WIPF1: variants seen among roughly 807,000 people sequenced by gnomAD.
WIPF1 encodes the protein WAS/WASL interacting protein family member 1.
A neutral mutation model predicts 35.4 loss-of-function variants in WIPF1; 13 were observed. That is an observed-to-expected ratio of 0.37 (90% CI 0.24 to 0.58). The LOEUF is 0.58. Ranked by LOEUF, WIPF1 falls within the 20% of genes least tolerant of loss-of-function variation. The probability of loss-of-function intolerance (pLI) is 0.74; values close to 1 mark genes in which losing one functional copy is unlikely to be tolerated. For synonymous variants in WIPF1, 267 were observed against 266.3 expected (o/e 1.00, Z -0.02); for missense variants, 591 against 667.0 (o/e 0.89, Z 1.25).
upstream of WIPF1, among the ~76,000 whole-genome samples, chr2:174,599,478 T>C (rs141793203): frequency 1.4e-3 from 210 of 152,272 alleles, 2 homozygotes; most frequent in African/African-American, 4.6e-3. Context: ...CTGGAGCCCC[T>C]TGAAGGCAGG....
At position 174,571,326 on chromosome 2, in the gene WIPF1, A is replaced by G. The variant is rs981330369; in HGVS notation, c.1129+350T>C. ...CGGGAGGTGGGGACTTATTTTCCCAATTAAGACCGCCGAAATTCTCTCTAG... is the reference window on the plus strand; with the variant it reads ...CGGGAGGTGGGGACTTATTTTCCCAGTTAAGACCGCCGAAATTCTCTCTAG... On this transcript the variant is annotated intron_variant, in intron 5 of 7. Transcript: ENST00000679041. This position sits in a 1 kb window ranked among gnomAD's most constrained non-coding sequence, Gnocchi z 4.6. 21 of 511,940 alleles carry G rather than the reference A, an allele frequency of 4.1e-5. No individual in the cohort carries two copies. The highest frequency in any genetic ancestry group is 5.5e-5 in the Non-Finnish European group (16 of 290,532). The allele number at this position is 511,940 out of a possible 1,614,324, so 31.7% of individuals were successfully genotyped here.
At chr2:174,609,448 C>T (rs868287826) in intron 1 of WIPF1, among the ~76,000 whole-genome samples, 1 of 152,156 alleles carries the variant, frequency 6.6e-6, no homozygotes, top group Non-Finnish European at 1.5e-5. Flanking sequence ...AATGGTGTTA[C>T]TGAAGTCTTT....
At chr2:174,604,336 A>G (rs900641386) in intron 1 of WIPF1, among the ~76,000 whole-genome samples, 6 of 152,264 alleles carry the variant, frequency 3.9e-5, no homozygotes, top group Non-Finnish European at 7.3e-5. Context: ...GATTTGTATA[A>G]AAGGCCATCT....
At chr2:174,596,009 ATTCAGTATCAC>A (rs1685811039) in intron 1 of WIPF1, among the ~76,000 whole-genome samples, 1 of 152,214 alleles carries the variant, frequency 6.6e-6, no homozygotes, top group Non-Finnish European at 1.5e-5. Flanking sequence ...GGGTCCAGGA[ATTCAGTATCAC>A]TTCATCTCAT....
At chr2:174,607,699 G>A (rs1357067001) in intron 1 of WIPF1, among the ~76,000 whole-genome samples, 1 of 151,880 alleles carries the variant, frequency 6.6e-6, no homozygotes, top group Non-Finnish European at 1.5e-5. Context: ...CTCTTCTGAG[G>A]ACACTGTTCT....
chr2:174,630,654 T>A (rs1336641176), intron 1 of WIPF1: 1 of 151,992 alleles, frequency 6.6e-6, no homozygotes, highest in East Asian at 1.9e-4. Flanking sequence ...GAAATTGAAA[T>A]GGCAGAGTAA....
intron 1 of WIPF1, among the ~76,000 whole-genome samples, chr2:174,637,995 T>C (rs1330026298): frequency 6.6e-6 from 1 of 152,246 alleles, no homozygotes; most frequent in Non-Finnish European, 1.5e-5. Flanking sequence ...AGTTGATAGT[T>C]TTCTGAGAAT....
At chr2:174,643,499 G>A (rs1034648069) in intron 1 of WIPF1, among the ~76,000 whole-genome samples, 1 of 148,750 alleles carries the variant, frequency 6.7e-6, no homozygotes, top group African/African-American at 2.6e-5. Flanking sequence ...TGCAACCTCC[G>A]CCTCCTGGGT....
At chr2:174,678,119 G>C (rs964311756) in intron 1 of WIPF1, among the ~76,000 whole-genome samples, 2 of 152,106 alleles carry the variant, frequency 1.3e-5, no homozygotes, top group Non-Finnish European at 2.9e-5. Context: ...AGAAAGGAAA[G>C]AAAGATATTT....
chr2:174,615,739 A>G (rs1238733915), intron 1 of WIPF1, among the ~76,000 whole-genome samples: 1 of 152,204 alleles, frequency 6.6e-6, no homozygotes, highest in African/African-American at 2.4e-5. Context: ...CATATTCAAA[A>G]GAGTTCTGTG....
intron 7 of WIPF1, among the ~76,000 whole-genome samples, chr2:174,562,829 A>G (rs140031082): frequency 2.6e-4 from 39 of 152,330 alleles, no homozygotes; most frequent in African/African-American, 8.2e-4. Flanking sequence ...GTACTTGCAC[A>G]AAGTTAAAAA....
chr2:174,611,867 C>T (rs973528379), intron 1 of WIPF1, among the ~76,000 whole-genome samples: 2 of 152,104 alleles, frequency 1.3e-5, no homozygotes, highest in Non-Finnish European at 2.9e-5. Context: ...AAGTTTCTCC[C>T]ACTTTTCATA....
chr2:174,659,859 C>T lies in WIPF1; in HGVS notation c.-39+22915G>A, dbSNP rs184280415. ...TTGAACACATCTTCAGAAGGCATTC[C>T]AAGCAGTGCCTTTCCACCGTGGCCT... On this transcript the variant is annotated intron_variant, in intron 1 of 8. Coordinates refer to the WIPF1 transcript ENST00000272746. Among the ~76,000 whole-genome samples the T allele has an allele frequency of 1.1e-4, 16 of 152,264 alleles. No homozygotes were observed. The East Asian group carries it at 2.3e-3, about 22-fold the overall frequency.
At chr2:174,651,386 C>T (rs1407985073) in intron 1 of WIPF1, among the ~76,000 whole-genome samples, 2 of 152,084 alleles carry the variant, frequency 1.3e-5, no homozygotes. Flanking sequence ...TCATCATCAC[C>T]GAGCAAAGTT....
intron 1 of WIPF1, among the ~76,000 whole-genome samples, chr2:174,642,988 TTTA>T (rs534251508): frequency 2.5e-4 from 38 of 149,754 alleles, no homozygotes; most frequent in Non-Finnish European, 4.6e-4. Flanking sequence ...ATTGTTAACT[TTTA>T]AATAGTCCAT....
At chr2:174,674,944 ACACAG>A (rs1407197554) in intron 1 of WIPF1, among the ~76,000 whole-genome samples, 2 of 148,146 alleles carry the variant, frequency 1.4e-5, no homozygotes, top group African/African-American at 5.1e-5. Context: ...ACACACACAC[ACACAG>A]ATGTTCCAGG....
upstream of WIPF1, among the ~76,000 whole-genome samples, chr2:174,599,817 ATC>A (rs60827805): frequency 1.4e-3 from 193 of 137,972 alleles, no homozygotes; most frequent in Non-Finnish European, 1.4e-3. Context: ...CTCTCTAGCT[ATC>A]TCTCTCTCTC....
At chr2:174,619,835 G>T (rs1359657329) in intron 1 of WIPF1, among the ~76,000 whole-genome samples, 1 of 151,830 alleles carries the variant, frequency 6.6e-6, no homozygotes, top group Admixed American at 6.6e-5. Context: ...CCAGTTACTT[G>T]GGAAGCTGAG....
intron 1 of WIPF1, chr2:174,626,007 C>T (rs1308953688): frequency 1.3e-5 from 2 of 152,178 alleles, no homozygotes; most frequent in South Asian, 2.1e-4. Flanking sequence ...TGTAAAACTA[C>T]ATAATATCTG....
Sources: allele counts gnomAD v4.1 joint callset (sites outside exome capture counted in the v4.1 genomes callset), GRCh38; gene constraint gnomAD v4.1.1; non-coding constraint Gnocchi (gnomAD v3.1); transcripts MANE v1.5; gene names NCBI Gene and HGNC (gene_info 2026-07-23, HGNC 2026-07-21).